The following MFSD6 variants were observed in gnomAD, a reference collection of about 807,000 sequenced individuals.
MFSD6 encodes major facilitator superfamily domain-containing protein 6.
MFSD6 carries 26 observed loss-of-function variants against 56.3 expected under a neutral mutation model. The ratio of observed to expected loss-of-function variants is 0.46; its 90% confidence interval spans 0.34 to 0.64. MFSD6 has a LOEUF of 0.64. Ranked by LOEUF, MFSD6 falls within the 30% of genes least tolerant of loss-of-function variation. The probability of loss-of-function intolerance (pLI) is 0.01; values close to 1 mark genes in which losing one functional copy is unlikely to be tolerated. For synonymous variants in MFSD6, 331 were observed against 366.9 expected, an observed-to-expected ratio of 0.90 and a Z score of 1.12; for missense variants, 750 against 986.2, an observed-to-expected ratio of 0.76 and a Z score of 3.21.
chr2:190,482,868 C>CTTTTTT lies in MFSD6; in HGVS notation c.1631-5759_1631-5754dup, dbSNP rs199927176. 3.7e-4 allele frequency among the ~76,000 whole-genome samples: 18 copies of CTTTTTT among 48,282 alleles called. 1 individual carries two copies. Among genetic ancestry groups the CTTTTTT allele is most frequent in the Admixed American group, 1.0e-3 (4 of 3,988 alleles). The allele number at this position is 48,282 out of a possible 152,430, so 31.7% of individuals were successfully genotyped here. ...GGAGAAGAGTTATTAAGACTATCATCTTTTTTTTTTTTTTTTTTTTTTTTT... is the reference window on the plus strand; with the variant it reads ...GGAGAAGAGTTATTAAGACTATCATCTTTTTTTTTTTTTTTTTTTTTTTTTTTTTTT... On this transcript the variant is annotated intron_variant, in intron 4 of 7. Coordinates refer to ENST00000392328, the MANE Select transcript of MFSD6 (RefSeq NM_017694.4).
Position 190,456,141 on chromosome 2 carries a change from A to G in MFSD6, c.1533-13617A>G, listed in dbSNP as rs1687027988. Among the ~76,000 whole-genome samples the G allele has an allele frequency of 6.6e-6, 1 of 151,832 alleles. No individual in the cohort carries two copies. The highest frequency in any genetic ancestry group is 2.1e-4 in the South Asian group (1 of 4,800). On this transcript the variant is annotated intron_variant, in intron 3 of 7. Coordinates refer to ENST00000392328, the MANE Select transcript of MFSD6 (RefSeq NM_017694.4). This position sits in a 1 kb window ranked among gnomAD's most constrained non-coding sequence, Gnocchi z 5.4. The stretch of plus-strand genomic sequence containing the variant: ...TTTTTAGTAGAGATGGGGTTTCACC[A>G]TGTTGGTCAGGCTGGTCTCAAACTC...
In MFSD6 at chr2:190,469,795, T is replaced by A. The variant is rs765935147; in HGVS notation, c.1570T>A (p.Tyr524Asn). ...TGGCCTGGCCTGCAATACGGCTCGC[T>A]ATATTTATATTTCCTACCTGGAGAA... is the stretch of plus-strand genomic sequence containing the variant. Reference protein sequence around the residue: ...YIGLACNTARYIYISYLENAW... With the variant: ...YIGLACNTARNIYISYLENAW... Residue 524 changes from tyrosine (Y) to asparagine (N), a missense_variant, in exon 4 of 8, where the codon TAT (tyrosine) becomes AAT (asparagine). Transcript: ENST00000392328. The surrounding 1 kb of genome is among the most constrained non-coding windows in gnomAD (Gnocchi z 5.3). The A allele has an allele frequency of 1.2e-6, 2 of 1,610,614 alleles. No homozygotes were observed. Among genetic ancestry groups the A allele is most frequent in the East Asian group, 4.5e-5 (2 of 44,708 alleles).
In MFSD6 at chr2:190,492,415, T is replaced by C. The variant is rs998417634; in HGVS notation, c.1891+2549T>C. 6.6e-6 allele frequency among the ~76,000 whole-genome samples: 1 copy of C among 152,062 alleles called. No individual in the cohort carries two copies. Among genetic ancestry groups the C allele is most frequent in the African/African-American group, 2.4e-5 (1 of 41,400 alleles). On this transcript the variant is annotated intron_variant, in intron 6 of 7. Coordinates refer to ENST00000392328, the MANE Select transcript of MFSD6 (RefSeq NM_017694.4). This position sits in a 1 kb window ranked among gnomAD's most constrained non-coding sequence, Gnocchi z 5.2. ...TGAGGCAAAAGCACCAGATAACCTATAAAGGAAAACCTCTCAGATTAACAG... is the reference window on the plus strand; with the variant it reads ...TGAGGCAAAAGCACCAGATAACCTACAAAGGAAAACCTCTCAGATTAACAG...
In MFSD6 at chr2:190,437,353, C is replaced by T. The variant is rs1326764039; in HGVS notation, c.1324C>T (p.Leu442Phe). 4 of 1,614,266 alleles carry T rather than the reference C, an allele frequency of 2.5e-6. No homozygotes were observed. Among genetic ancestry groups the T allele is most frequent in the South Asian group, 2.2e-5 (2 of 91,084 alleles). Reference sequence around the variant, plus strand: ...CAACTTTTGGGACTTAATCAAGCTGCTCTGCAGCGTGCAGTATGGCTCAGT... The same window carrying T: ...CAACTTTTGGGACTTAATCAAGCTGTTCTGCAGCGTGCAGTATGGCTCAGT... ...AFNFWDLIKL[L>F]CSVQYGSVLF... The change falls in exon 3 of 8, where the codon CTC (leucine) becomes TTC (phenylalanine). Residue 442 changes from leucine to phenylalanine, a missense_variant. Physicochemically the swap from Leu to Phe is conservative, Grantham distance 22. Coordinates refer to ENST00000392328, the MANE Select transcript of MFSD6 (RefSeq NM_017694.4). The surrounding 1 kb of genome is among the most constrained non-coding windows in gnomAD (Gnocchi z 5.9).
rs1468191101 is a variant in MFSD6, at chr2:190,500,179, T to A, written c.2337T>A (p.Ser779Arg). ...GTGTGGACCCGTGCACAGAGGAGAGTGAAGAGCAGCAGGCTCAGCTGGCCG... is the reference window on the plus strand; with the variant it reads ...GTGTGGACCCGTGCACAGAGGAGAGAGAAGAGCAGCAGGCTCAGCTGGCCG... Reference protein sequence around the residue: ...HPSVDPCTEESEEQQAQLAAG... With the variant: ...HPSVDPCTEEREEQQAQLAAG... The change falls in exon 8 of 8, where the codon AGT (serine) becomes AGA (arginine). Residue 779 changes from serine to arginine, a missense_variant. Physicochemically the swap from Ser to Arg is moderately radical, Grantham distance 110. Transcript: ENST00000392328. The surrounding 1 kb of genome is among the most constrained non-coding windows in gnomAD (Gnocchi z 5.3). 1.9e-6 allele frequency: 3 copies of A among 1,613,470 alleles called. No homozygotes were observed. The African/African-American group carries it at 4.0e-5, about 22-fold the overall frequency.
Position 190,487,903 on chromosome 2 carries a change from A to T in MFSD6, c.1631-754A>T, listed in dbSNP as rs1204622940. Among the ~76,000 whole-genome samples, 1 of 151,476 alleles carries T rather than the reference A, an allele frequency of 6.6e-6. No homozygotes were observed. The highest frequency in any genetic ancestry group is 1.5e-5 in the Non-Finnish European group (1 of 67,820). ...CATTTCTAGTTACCTAGTCAAAATA[A>T]TTTTTTTTTCTTTTTTGAGACAGAA... On this transcript the variant is annotated intron_variant, in intron 4 of 7. Coordinates refer to ENST00000392328, the MANE Select transcript of MFSD6 (RefSeq NM_017694.4). The surrounding 1 kb of genome is among the most constrained non-coding windows in gnomAD (Gnocchi z 5.5).
At chr2:190,475,520 C>A (rs1559133103) in intron 4 of MFSD6, among the ~76,000 whole-genome samples, 1 of 152,150 alleles carries the variant, frequency 6.6e-6, no homozygotes, top group Non-Finnish European at 1.5e-5. Context: ...TGAAGGACCT[C>A]TTCAAGGAGA....
chr2:190,414,664 G>A (rs147106215), intron 1 of MFSD6, among the ~76,000 whole-genome samples: 2 of 152,046 alleles, frequency 1.3e-5, no homozygotes, highest in East Asian at 1.9e-4. Flanking sequence ...CAGGAACTCC[G>A]GGAACAAGGA....
chr2:190,422,298 T>A (rs1166453591), intron 2 of MFSD6, among the ~76,000 whole-genome samples: 2 of 152,298 alleles, frequency 1.3e-5, no homozygotes, highest in East Asian at 3.9e-4. Flanking sequence ...ACTAGACTGG[T>A]TGCCCTTCAA....
rs1043624144 is a variant in MFSD6 at position 190,410,498 on chromosome 2, A to G, written c.-176+1995A>G. Among the ~76,000 whole-genome samples, 2 of 152,226 alleles carry G rather than the reference A, an allele frequency of 1.3e-5. No homozygotes were observed. Among genetic ancestry groups the G allele is most frequent in the African/African-American group, 4.8e-5 (2 of 41,456 alleles). ...TTGAAAATTAACTTGATTTCAATGT[A>G]CATGTATTACTTATGTTAACATTTA... is the stretch of plus-strand genomic sequence containing the variant. On this transcript the variant is annotated intron_variant, in intron 1 of 7. Transcript: ENST00000392328. The surrounding 1 kb of genome is among the most constrained non-coding windows in gnomAD (Gnocchi z 4.4).
Position 190,437,390 on chromosome 2 carries a change from C to T in MFSD6, c.1361C>T (p.Ala454Val). 6.2e-7 allele frequency: 1 copy of T among 1,614,208 alleles called. No individual in the cohort carries two copies. The highest frequency in any genetic ancestry group is 8.5e-7 in the Non-Finnish European group (1 of 1,180,050). Residue 454 changes from alanine (A) to valine (V), a missense_variant, in exon 3 of 8, where the codon GCT (alanine) becomes GTT (valine). This residue lies in a region of MFSD6 where 125 missense variants were observed against 223.1 expected (regional missense o/e 0.56). Coordinates refer to ENST00000392328, the MANE Select transcript of MFSD6 (RefSeq NM_017694.4). This position sits in a 1 kb window ranked among gnomAD's most constrained non-coding sequence, Gnocchi z 5.9. Reference sequence around the variant, plus strand: ...CAGTATGGCTCAGTGCTGTTTGTGGCTTGGTTCATGGGTTTTGGATATGGC... The same window carrying T: ...CAGTATGGCTCAGTGCTGTTTGTGGTTTGGTTCATGGGTTTTGGATATGGC... Reference protein sequence around the residue: ...SVQYGSVLFVAWFMGFGYGFV... With the variant: ...SVQYGSVLFVVWFMGFGYGFV...
In MFSD6 at chr2:190,469,723, T is replaced by G. The variant is rs746936667; in HGVS notation, c.1533-35T>G. On this transcript the variant is annotated intron_variant, in intron 3 of 7. Coordinates refer to ENST00000392328, the MANE Select transcript of MFSD6 (RefSeq NM_017694.4). The surrounding 1 kb of genome is among the most constrained non-coding windows in gnomAD (Gnocchi z 5.3). ...GACTCAGTTTATTTTCCTTTGCTTT[T>G]TTTTATTTTATTTTTATTTTTTATT... The G allele has an allele frequency of 1.2e-5, 14 of 1,202,758 alleles. No individual in the cohort carries two copies. In the African/African-American group the frequency reaches 1.6e-4, roughly 13 times the overall value. 74.5% of individuals were successfully genotyped at this position (1,202,758 alleles called of 1,614,324 possible).
rs1377152042 is a variant in MFSD6 at position 190,461,345 on chromosome 2, C to T, written c.1533-8413C>T. Among the ~76,000 whole-genome samples, 1 of 152,200 alleles carries T rather than the reference C, an allele frequency of 6.6e-6. No homozygotes were observed. Among genetic ancestry groups the T allele is most frequent in the Non-Finnish European group, 1.5e-5 (1 of 68,028 alleles). On this transcript the variant is annotated intron_variant, in intron 3 of 7. Transcript: ENST00000392328. This position sits in a 1 kb window ranked among gnomAD's most constrained non-coding sequence, Gnocchi z 5.5. ...ATTTAGTAAAGTCTCTCTCCCACCCCTTGGGCAGTCCCCCAATTCCTCTCC... is the reference window on the plus strand; with the variant it reads ...ATTTAGTAAAGTCTCTCTCCCACCCTTTGGGCAGTCCCCCAATTCCTCTCC...
chr2:190,497,748 T>C lies in MFSD6; in HGVS notation c.2172+29T>C. On this transcript the variant is annotated intron_variant, in intron 7 of 7. Coordinates refer to ENST00000392328, the MANE Select transcript of MFSD6 (RefSeq NM_017694.4). This position sits in a 1 kb window ranked among gnomAD's most constrained non-coding sequence, Gnocchi z 5.2. ...CAGTTCCTTTGCTGGGCTAGCAATATTACCTGTCACTCAAGATACCTTAAC... is the reference window on the plus strand; with the variant it reads ...CAGTTCCTTTGCTGGGCTAGCAATACTACCTGTCACTCAAGATACCTTAAC... 6.3e-7 allele frequency: 1 copy of C among 1,591,994 alleles called. No homozygotes were observed. The highest frequency in any genetic ancestry group is 1.1e-5 in the South Asian group (1 of 89,296).
In MFSD6 at chr2:190,467,123, G is replaced by A. The variant is rs1208504145; in HGVS notation, c.1533-2635G>A. On this transcript the variant is annotated intron_variant, in intron 3 of 7. Transcript: ENST00000392328. The surrounding 1 kb of genome is among the most constrained non-coding windows in gnomAD (Gnocchi z 5.5). ...AAGTGGATTACCAACATTGTTTTAT[G>A]ATGGGATTATATTACAGTATTACTG... Among the ~76,000 whole-genome samples, 4 of 152,196 alleles carry A rather than the reference G, an allele frequency of 2.6e-5. No individual in the cohort carries two copies. Among genetic ancestry groups the A allele is most frequent in the Non-Finnish European group, 5.9e-5 (4 of 68,026 alleles).
rs1687136820 is a variant in MFSD6, at chr2:190,458,096, TG to T, written c.1533-11660del. Among the ~76,000 whole-genome samples, 1 of 151,948 alleles carries T rather than the reference TG, an allele frequency of 6.6e-6. No homozygotes were observed. Among genetic ancestry groups the T allele is most frequent in the African/African-American group, 2.4e-5 (1 of 41,372 alleles). ...CTCTGTTGCTGGTCTAGGGAGGAAA[TG>T]GCTCTGGAAAAAAATACTGGCATTC... On this transcript the variant is annotated intron_variant, in intron 3 of 7. Coordinates refer to ENST00000392328, the MANE Select transcript of MFSD6 (RefSeq NM_017694.4). The surrounding 1 kb of genome is among the most constrained non-coding windows in gnomAD (Gnocchi z 5.3).
chr2:190,430,807 A>C (rs1359724328), intron 2 of MFSD6, among the ~76,000 whole-genome samples: 9 of 124,090 alleles, frequency 7.3e-5, no homozygotes, highest in Admixed American at 8.0e-5. Context: ...CGCCCCCCCC[A>C]CCTCCCTCCC....
chr2:190,427,029 C>A (rs1315252748), intron 2 of MFSD6, among the ~76,000 whole-genome samples: 1 of 152,206 alleles, frequency 6.6e-6, no homozygotes, highest in Non-Finnish European at 1.5e-5. Flanking sequence ...AGTAGGCCTC[C>A]TCACATGGCC....
Position 190,458,519 on chromosome 2 carries a change from C to T in MFSD6, c.1533-11239C>T, listed in dbSNP as rs1312042210. Among the ~76,000 whole-genome samples, 1 of 152,152 alleles carries T rather than the reference C, an allele frequency of 6.6e-6. No homozygotes were observed. The highest frequency in any genetic ancestry group is 1.5e-5 in the Non-Finnish European group (1 of 68,030). On this transcript the variant is annotated intron_variant, in intron 3 of 7. Transcript: ENST00000392328. The surrounding 1 kb of genome is among the most constrained non-coding windows in gnomAD (Gnocchi z 5.3). ...ATTTCTGTTGTTGAAGCCACCCAGT[C>T]TGTGGTATTTGTTACAGCAGCCTTA...
Sources: allele counts gnomAD v4.1 joint callset (sites outside exome capture counted in the v4.1 genomes callset), GRCh38; gene constraint gnomAD v4.1.1; regional missense constraint gnomAD v4.1.1; non-coding constraint Gnocchi (gnomAD v3.1); transcripts MANE v1.5; gene names NCBI Gene and HGNC (gene_info 2026-07-23, HGNC 2026-07-21).